DPYD: variants seen among roughly 807,000 people sequenced by gnomAD.
The protein encoded by DPYD is dihydropyrimidine dehydrogenase [NADP(+)].
A neutral mutation model predicts 116.2 loss-of-function variants in DPYD; 109 were observed. The observed-to-expected ratio is 0.94, with a 90% CI of 0.80 to 1.10. The LOEUF is 1.10. Among genes scored for constraint, DPYD ranks in the 50% least tolerant of loss-of-function variants. The pLI, the probability that DPYD is intolerant of heterozygous loss-of-function variation, is 0.00. For missense variants in DPYD, 1,302 were observed against 1,254.5 expected (o/e 1.04, Z -0.57); for synonymous variants, 440 against 432.0 (o/e 1.02, Z -0.23).
At position 97,477,598 on chromosome 1, in the gene DPYD, GTTC is replaced by G. The variant is rs1570799577; in HGVS notation, c.1741-27378_1741-27376del. ...AAGATTCTGACCTCCTTCCATGACTGTTCTTCTTTTTTTTTTTTTTTTTTTTTT... is the reference window on the plus strand; with the variant it reads ...AAGATTCTGACCTCCTTCCATGACTGTTCTTTTTTTTTTTTTTTTTTTTTT... On this transcript the variant is annotated intron_variant, in intron 13 of 22. Coordinates refer to ENST00000370192, the MANE Select transcript of DPYD (RefSeq NM_000110.4). Among the ~76,000 whole-genome samples the G allele has an allele frequency of 3.7e-5, 5 of 134,998 alleles. No homozygotes were observed. The East Asian group carries it at 6.6e-4, about 18-fold the overall frequency. 88.6% of individuals were successfully genotyped at this position (134,998 alleles called of 152,430 possible).
chr1:97,818,015 C>A (rs1453376696), intron 3 of DPYD, among the ~76,000 whole-genome samples: 1 of 152,006 alleles, frequency 6.6e-6, no homozygotes, highest in African/African-American at 2.4e-5. Context: ...AGCTGCATCC[C>A]TTCTTTCCTA....
chr1:97,283,679 G>A (rs71656181), intron 18 of DPYD, among the ~76,000 whole-genome samples: 2,281 of 152,154 alleles, frequency 0.015, 31 homozygotes, highest in South Asian at 0.024. Flanking sequence ...AGAACATATT[G>A]TGTTTTGTCA....
intron 8 of DPYD, among the ~76,000 whole-genome samples, chr1:97,677,155 TAAAC>T (rs1053216191): frequency 2.0e-5 from 3 of 152,208 alleles, no homozygotes; most frequent in African/African-American, 7.2e-5. Context: ...CTCAGAGTGA[TAAAC>T]AATTTAATTA....
In DPYD at chr1:97,315,772, T is replaced by C. The variant is rs534183775; in HGVS notation, c.2059-9475A>G. Among the ~76,000 whole-genome samples, 3 of 152,138 alleles carry C rather than the reference T, an allele frequency of 2.0e-5. 1 individual carries two copies. In the South Asian group the frequency reaches 6.2e-4, roughly 31 times the overall value. On this transcript the variant is annotated intron_variant, in intron 16 of 22. Transcript: ENST00000370192. ...CTTGACAGAACAAGGTCTCTTGGAA[T>C]GTCCTGAATACAGTTAAGCCTTGTT... is the stretch of plus-strand genomic sequence containing the variant.
chr1:97,723,714 C>G (rs1008621826), intron 4 of DPYD, among the ~76,000 whole-genome samples: 16 of 151,446 alleles, frequency 1.1e-4, no homozygotes, highest in South Asian at 2.1e-4. Context: ...TCGGTAGTGT[C>G]TCTAAAAGAG....
At chr1:97,118,556 A>G (rs1256686977) in intron 20 of DPYD, among the ~76,000 whole-genome samples, 1 of 152,188 alleles carries the variant, frequency 6.6e-6, no homozygotes, top group Non-Finnish European at 1.5e-5. Flanking sequence ...TCAACAATAT[A>G]AGCTGCATTG....
chr1:97,433,171 G>A (rs1429786375), intron 14 of DPYD, among the ~76,000 whole-genome samples: 1 of 152,090 alleles, frequency 6.6e-6, no homozygotes, highest in Non-Finnish European at 1.5e-5. Flanking sequence ...CTTTTTCCCT[G>A]CCTTAGCCTT....
At chr1:97,775,059 T>C in intron 3 of DPYD, 1 of 186,778 alleles carries the variant, frequency 5.4e-6, no homozygotes, top group Non-Finnish European at 1.2e-5. Flanking sequence ...ATCATCATTA[T>C]ATTGCCAGAC....
Position 97,828,240 on chromosome 1 carries a change from G to T in DPYD, c.151-44C>A, listed in dbSNP as rs745834434. On this transcript the variant is annotated intron_variant, in intron 2 of 22. Transcript: ENST00000370192. Reference sequence around the variant, plus strand: ...TTGCATTAATTCTCTAAGATCCTGAGAAAAATTGTATCTATGCAGTTATGC... The same window carrying T: ...TTGCATTAATTCTCTAAGATCCTGATAAAAATTGTATCTATGCAGTTATGC... The T allele has an allele frequency of 1.6e-5, 25 of 1,582,014 alleles. No homozygotes were observed. The South Asian group carries it at 2.7e-4, about 17-fold the overall frequency.
chr1:97,832,919 C>T (rs1179471081), intron 2 of DPYD, among the ~76,000 whole-genome samples: 1 of 53,424 alleles, frequency 1.9e-5, no homozygotes, highest in Non-Finnish European at 3.7e-5. Flanking sequence ...GTTATCTTTG[C>T]TCAAATTATA....
chr1:97,765,490 C>T (rs1048690018), intron 3 of DPYD, among the ~76,000 whole-genome samples: 1 of 152,160 alleles, frequency 6.6e-6, no homozygotes, highest in Admixed American at 6.6e-5. Flanking sequence ...AGAGAATCTA[C>T]CCCAGGAATT....
intron 18 of DPYD, among the ~76,000 whole-genome samples, chr1:97,254,436 A>C (rs913708089): frequency 6.6e-6 from 1 of 152,112 alleles, no homozygotes; most frequent in African/African-American, 2.4e-5. Flanking sequence ...ACACTTTTTT[A>C]GATTTCTGAA....
chr1:97,562,837 GC>G (rs999772533), intron 11 of DPYD, among the ~76,000 whole-genome samples: 1 of 151,810 alleles, frequency 6.6e-6, no homozygotes, highest in African/African-American at 2.4e-5. Context: ...TCCTGCCTCA[GC>G]CCCCCCGAGT....
At chr1:97,095,665 T>A (rs1650191366) in intron 21 of DPYD, among the ~76,000 whole-genome samples, 1 of 151,910 alleles carries the variant, frequency 6.6e-6, no homozygotes, top group Non-Finnish European at 1.5e-5. Flanking sequence ...CACACACAGT[T>A]TTATAGTATA....
At chr1:97,709,108 C>T (rs1046870837) in intron 5 of DPYD, among the ~76,000 whole-genome samples, 54 of 151,974 alleles carry the variant, frequency 3.6e-4, no homozygotes, top group African/African-American at 1.3e-3. Flanking sequence ...TCTCTGTATA[C>T]ATTTCCTTTC....
intron 8 of DPYD, among the ~76,000 whole-genome samples, chr1:97,662,619 C>T (rs570717262): frequency 5.3e-5 from 8 of 151,962 alleles, no homozygotes; most frequent in Admixed American, 3.9e-4. Flanking sequence ...GGCGACAGAT[C>T]GAGACTCTGT....
chr1:97,328,152 C>A (rs1044636676), intron 16 of DPYD, among the ~76,000 whole-genome samples: 3 of 152,142 alleles, frequency 2.0e-5, no homozygotes, highest in Non-Finnish European at 4.4e-5. Context: ...GTCTTGCTCA[C>A]ATACAGATCT....
At chr1:97,747,377 A>G (rs975056318) in intron 3 of DPYD, among the ~76,000 whole-genome samples, 7 of 152,166 alleles carry the variant, frequency 4.6e-5, no homozygotes, top group Non-Finnish European at 8.8e-5. Context: ...TACCATAGAT[A>G]AAAGCTCTGC....
chr1:97,559,921 C>T (rs750521872), intron 11 of DPYD, among the ~76,000 whole-genome samples: 5 of 152,166 alleles, frequency 3.3e-5, no homozygotes, highest in Non-Finnish European at 7.4e-5. Flanking sequence ...TATATACTAT[C>T]TCTTTGGATC....
Sources: allele counts gnomAD v4.1 joint callset (sites outside exome capture counted in the v4.1 genomes callset), GRCh38; gene constraint gnomAD v4.1.1; transcripts MANE v1.5; gene names NCBI Gene and HGNC (gene_info 2026-07-23, HGNC 2026-07-21).